The following NDEL1 variants were observed in gnomAD, a reference collection of about 807,000 sequenced individuals.
NDEL1 encodes nuclear distribution protein nudE-like 1.
A neutral mutation model predicts 45.7 loss-of-function variants in NDEL1; 9 were observed. The ratio of observed to expected loss-of-function variants is 0.20; its 90% CI spans 0.12 to 0.34. The LOEUF is 0.34. NDEL1 is among the 10% of genes least tolerant of loss of function. The probability of loss-of-function intolerance (pLI) is 1.00; values close to 1 mark genes in which losing one functional copy is unlikely to be tolerated. For synonymous variants in NDEL1, 133 were observed against 158.6 expected, an observed-to-expected ratio of 0.84 and a Z score of 1.21; for missense variants, 306 against 406.2, an observed-to-expected ratio of 0.75 and a Z score of 2.12.
At chr17:8,424,165 T>G (rs1908767939) in intron 1 of NDEL1, among the ~76,000 whole-genome samples, 1 of 152,236 alleles carries the variant, frequency 6.6e-6, no homozygotes. Context: ...GTATAACGTA[T>G]GTATGTTGTT....
At chr17:8,432,133 G>T (rs1397795251), upstream of NDEL1, 2 of 151,500 alleles carry the variant, frequency 1.3e-5, no homozygotes, top group Admixed American at 6.6e-5. Context: ...AAAGTGCTGA[G>T]ATTACAGGTG....
upstream of NDEL1, among the ~76,000 whole-genome samples, chr17:8,435,002 G>A (rs1439591082): frequency 1.3e-5 from 2 of 151,978 alleles, no homozygotes; most frequent in Non-Finnish European, 1.5e-5. Context: ...CCTGGGAGGC[G>A]GAGGTTGCAG....
At chr17:8,413,620 C>T (rs1183557940) in intron 1 of NDEL1, among the ~76,000 whole-genome samples, 1 of 152,168 alleles carries the variant, frequency 6.6e-6, no homozygotes, top group African/African-American at 2.4e-5. Context: ...TTATCTGGAG[C>T]CAACAGAGAC....
chr17:8,426,634 C>G (rs1236791568), intron 1 of NDEL1, among the ~76,000 whole-genome samples: 1 of 152,078 alleles, frequency 6.6e-6, no homozygotes, highest in Non-Finnish European at 1.5e-5. Flanking sequence ...GATAGTGAAG[C>G]CTGAAGCTTG....
chr17:8,428,872 A>G (rs2151698327), intron 1 of NDEL1, among the ~76,000 whole-genome samples: 1 of 151,538 alleles, frequency 6.6e-6, no homozygotes, highest in Non-Finnish European at 1.5e-5. Context: ...ACGGGGTTTC[A>G]CCGTGTTAGC....
intron 1 of NDEL1, among the ~76,000 whole-genome samples, chr17:8,413,754 A>G (rs942775840): frequency 2.0e-5 from 3 of 152,232 alleles, no homozygotes; most frequent in Admixed American, 2.0e-4. Context: ...TTTCTCATCT[A>G]CAAAATGTAA....
upstream of NDEL1, chr17:8,435,808 C>G (rs902334106): frequency 2.8e-5 from 12 of 432,320 alleles, no homozygotes; most frequent in African/African-American, 4.2e-5. Flanking sequence ...CCACCCCGCC[C>G]CGCATACCCG....
chr17:8,439,496 C>A (rs544076789), intron 1 of NDEL1, among the ~76,000 whole-genome samples: 1 of 151,732 alleles, frequency 6.6e-6, no homozygotes, highest in Non-Finnish European at 1.5e-5. Flanking sequence ...TCAAGTGATC[C>A]GCCTGCCTCA....
At chr17:8,415,427 CATTTATTT>C (rs111333617) in intron 1 of NDEL1, among the ~76,000 whole-genome samples, 2 of 148,036 alleles carry the variant, frequency 1.4e-5, no homozygotes, top group African/African-American at 5.0e-5. Context: ...ATAGTTTTAA[CATTTATTT>C]ATTTATTTAT....
chr17:8,433,476 C>T (rs1341324403), upstream of NDEL1, among the ~76,000 whole-genome samples: 4 of 152,178 alleles, frequency 2.6e-5, no homozygotes, highest in Non-Finnish European at 2.9e-5. Flanking sequence ...TGTCCTTTTA[C>T]ACTTTTATAA....
At chr17:8,416,839 C>T (rs1908558048) in intron 1 of NDEL1, among the ~76,000 whole-genome samples, 1 of 152,116 alleles carries the variant, frequency 6.6e-6, no homozygotes, top group African/African-American at 2.4e-5. Flanking sequence ...TTCCTTTAAT[C>T]TCCTGTTTGG....
intron 1 of NDEL1, among the ~76,000 whole-genome samples, chr17:8,442,309 C>T (rs1265512087): frequency 6.6e-6 from 1 of 152,194 alleles, no homozygotes; most frequent in Non-Finnish European, 1.5e-5. Context: ...ACTACCCGCA[C>T]ATCTTTTTGC....
intron 1 of NDEL1, among the ~76,000 whole-genome samples, chr17:8,421,195 T>G (rs80337117): frequency 6.6e-6 from 1 of 152,326 alleles, no homozygotes; most frequent in East Asian, 1.9e-4. Flanking sequence ...AAAGATGATA[T>G]GCAGAAACAG....
chr17:8,463,127 G>T, intron 8 of NDEL1: 1 of 480,836 alleles, frequency 2.1e-6, no homozygotes, highest in Non-Finnish European at 3.8e-6. Flanking sequence ...GAGTGTGGTC[G>T]CTTGGAGTCT....
chr17:8,466,077 T>G (rs1459684993), intron 8 of NDEL1: 1 of 152,200 alleles, frequency 6.6e-6, no homozygotes, highest in Non-Finnish European at 1.5e-5. Flanking sequence ...CATCTGGCGT[T>G]GCTTGCTAAA....
intron 1 of NDEL1, among the ~76,000 whole-genome samples, chr17:8,430,149 G>A (rs1908963458): frequency 6.6e-6 from 1 of 152,174 alleles, no homozygotes; most frequent in Non-Finnish European, 1.5e-5. Flanking sequence ...TTTCTGTTGG[G>A]GCAAAGGAAA....
At chr17:8,461,768 T>C (rs918502242) in intron 8 of NDEL1, among the ~76,000 whole-genome samples, 1 of 152,162 alleles carries the variant, frequency 6.6e-6, no homozygotes, top group Non-Finnish European at 1.5e-5. Flanking sequence ...CAGTGCCTAA[T>C]TATTTTTCCC....
chr17:8,417,963 T>A (rs182160027), intron 1 of NDEL1, among the ~76,000 whole-genome samples: 1 of 152,202 alleles, frequency 6.6e-6, no homozygotes, highest in Admixed American at 6.5e-5. Context: ...ACACATCATA[T>A]GTTTCGACAG....
At chr17:8,473,472 C>G (rs184860501) in intron 3 of NDEL1, among the ~76,000 whole-genome samples, 41 of 152,336 alleles carry the variant, frequency 2.7e-4, no homozygotes, top group African/African-American at 9.6e-4. Context: ...CAGGCGTGAG[C>G]ACCATGCCCA....
Sources: gnomAD v4.1 joint callset for allele counts (sites outside exome capture counted in the v4.1 genomes callset) on GRCh38, gnomAD v4.1.1 for gene constraint, MANE v1.5 for transcripts, NCBI Gene and HGNC (gene_info 2026-07-23, HGNC 2026-07-21) for gene names.